RADIL: variants seen among roughly 807,000 people sequenced by gnomAD.
RADIL encodes ras-associating and dilute domain-containing protein.
A neutral mutation model predicts 97.6 loss-of-function variants in RADIL; 99 were observed. The observed-to-expected ratio is 1.01, with a 90% CI of 0.86 to 1.20. RADIL has a LOEUF of 1.20. RADIL is among the 50% of genes most tolerant of loss of function. The pLI is 0.00. For missense variants in RADIL, 1,765 were observed against 1,498.9 expected, an observed-to-expected ratio of 1.18 and a Z score of -2.93; for synonymous variants, 803 against 691.8, an observed-to-expected ratio of 1.16 and a Z score of -2.52.
chr7:4,816,692 CA>C (rs1782687311), intron 7 of RADIL, among the ~76,000 whole-genome samples: 1 of 151,888 alleles, frequency 6.6e-6, no homozygotes, highest in South Asian at 2.1e-4. Flanking sequence ...GCAGGGGGCT[CA>C]GGGGGATCTG....
intron 4 of RADIL, among the ~76,000 whole-genome samples, chr7:4,833,215 C>T (rs1783197276): frequency 6.6e-6 from 1 of 152,218 alleles, no homozygotes; most frequent in Non-Finnish European, 1.5e-5. Context: ...CTGGCTGTGA[C>T]ATGGGGTGTG....
intron 10 of RADIL, chr7:4,805,294 G>A (rs1019593659): frequency 7.6e-5 from 31 of 409,772 alleles, no homozygotes; most frequent in African/African-American, 5.4e-4. Context: ...CTCCGTGAGG[G>A]AACGAGGGGG....
rs1583294846 is a variant in RADIL at position 4,835,822 on chromosome 7, C to T, written c.783+536G>A. On this transcript the variant is annotated intron_variant, in intron 3 of 14. Transcript: ENST00000399583. The surrounding 1 kb of genome is among the most constrained non-coding windows in gnomAD (Gnocchi z 5.8). The stretch of plus-strand genomic sequence containing the variant: ...GTTGTCTGGCAGGGCAAGTGTCCGG[C>T]AAGGTGAGGCGAGGTGGCCCTGCGC... Among the ~76,000 whole-genome samples, 1 of 152,336 alleles carries T rather than the reference C, an allele frequency of 6.6e-6. No individual in the cohort carries two copies. The highest frequency in any genetic ancestry group is 1.9e-4 in the East Asian group (1 of 5,182).
rs1241180977 is a variant in RADIL, at chr7:4,798,033, T to TATA, written c.*1342_*1344dup. ...TAAAATATAAAAAATGTTTATAAAATATACGAATATATTACGTATACATGA... is the reference window on the plus strand; with the variant it reads ...TAAAATATAAAAAATGTTTATAAAATATAATACGAATATATTACGTATACATGA... On this transcript the variant is annotated 3_prime_UTR_variant, in exon 15 of 15. Transcript: ENST00000399583. 6.7e-6 allele frequency: 1 copy of TATA among 148,286 alleles called. No individual in the cohort carries two copies. The highest frequency in any genetic ancestry group is 6.7e-5 in the Admixed American group (1 of 14,826). The allele number at this position is 148,286 out of a possible 1,614,324, so 9.2% of individuals were successfully genotyped here.
intron 11 of RADIL, among the ~76,000 whole-genome samples, chr7:4,802,718 C>T (rs1222776456): frequency 1.3e-4 from 12 of 95,472 alleles, no homozygotes; most frequent in East Asian, 3.4e-4. Flanking sequence ...CCTCCCCAGG[C>T]ACCTCGGGGC....
chr7:4,827,818 G>A (rs1783039546), intron 5 of RADIL, among the ~76,000 whole-genome samples: 1 of 152,094 alleles, frequency 6.6e-6, no homozygotes, highest in Admixed American at 6.6e-5. Flanking sequence ...AAACTGATCT[G>A]GAGAACTAAG....
Position 4,816,423 on chromosome 7 carries a change from A to G in RADIL, c.1771T>C (p.Phe591Leu). The change falls in exon 8 of 15, where the codon TTC (phenylalanine) becomes CTC (leucine). Residue 591 changes from phenylalanine to leucine, a missense_variant. Coordinates refer to ENST00000399583, the MANE Select transcript of RADIL (RefSeq NM_018059.5). ...CAGCTCTCACGGCGCTCCGTCTGGA[A>G]TGGCGGGCACTCCAGGAGTGCCGGG... is the stretch of plus-strand genomic sequence containing the variant. Reference protein sequence around the residue: ...CLPALLECPPFQTERRESWSS... With the variant: ...CLPALLECPPLQTERRESWSS... 6.2e-7 allele frequency: 1 copy of G among 1,608,342 alleles called. No homozygotes were observed. Among genetic ancestry groups the G allele is most frequent in the Non-Finnish European group, 8.5e-7 (1 of 1,178,452 alleles).
At chr7:4,827,473 A>G (rs1050830983) in intron 5 of RADIL, among the ~76,000 whole-genome samples, 2 of 151,354 alleles carry the variant, frequency 1.3e-5, no homozygotes, top group Non-Finnish European at 2.9e-5. Context: ...CATCCTGGCT[A>G]ACACAGTGAA....
chr7:4,817,142 C>G lies in RADIL; in HGVS notation c.1728+97G>C. Reference sequence around the variant, plus strand: ...GCTTGTCACGGTCCCCTCCCTCAGCCCCCCAGAAGGCTCCTTAGGAGAGCC... The same window carrying G: ...GCTTGTCACGGTCCCCTCCCTCAGCGCCCCAGAAGGCTCCTTAGGAGAGCC... On this transcript the variant is annotated intron_variant, in intron 7 of 14. Transcript: ENST00000399583. This position sits in a 1 kb window ranked among gnomAD's most constrained non-coding sequence, Gnocchi z 8.3. 4 of 1,064,746 alleles carry G rather than the reference C, an allele frequency of 3.8e-6. No individual in the cohort carries two copies. The highest frequency in any genetic ancestry group is 5.5e-6 in the Non-Finnish European group (4 of 725,084). 66.0% of individuals were successfully genotyped at this position (1,064,746 alleles called of 1,614,324 possible).
rs1462110668 is a variant in RADIL, at chr7:4,800,361, A to G, written c.2843-51T>C. The G allele has an allele frequency of 4.3e-6, 6 of 1,410,094 alleles. No individual in the cohort carries two copies. In the South Asian group the frequency reaches 9.2e-5, roughly 22 times the overall value. 87.3% of individuals were successfully genotyped at this position (1,410,094 alleles called of 1,614,324 possible). A position where few individuals can be genotyped will look rare whatever the true frequency, so the allele number is the denominator to read the frequency against. On this transcript the variant is annotated intron_variant, in intron 12 of 14. Coordinates refer to ENST00000399583, the MANE Select transcript of RADIL (RefSeq NM_018059.5). ...TGGGAGTGAGGCGCCAGGAATCACGACGAGGAATGGGATGTCCTGGCCTGG... is the reference window on the plus strand; with the variant it reads ...TGGGAGTGAGGCGCCAGGAATCACGGCGAGGAATGGGATGTCCTGGCCTGG...
intron 9 of RADIL, chr7:4,805,920 G>C: frequency 1.0e-6 from 1 of 985,458 alleles, no homozygotes; most frequent in Non-Finnish European, 1.2e-6. Context: ...TCCAGGGAGA[G>C]GCCGGCCAGT....
At chr7:4,843,522 G>A (rs1424976309) in intron 2 of RADIL, among the ~76,000 whole-genome samples, 1 of 152,172 alleles carries the variant, frequency 6.6e-6, no homozygotes, top group African/African-American at 2.4e-5. Flanking sequence ...GTACAAAAAA[G>A]AACTTCTCAG....
intron 5 of RADIL, among the ~76,000 whole-genome samples, chr7:4,825,042 A>C (rs972101208): frequency 1.3e-5 from 2 of 152,108 alleles, no homozygotes; most frequent in Non-Finnish European, 2.9e-5. Flanking sequence ...GATCCAGCCC[A>C]TCCTACCCAG....
intron 2 of RADIL, chr7:4,858,836 T>A (rs935747812): frequency 3.9e-5 from 6 of 152,224 alleles, no homozygotes; most frequent in Non-Finnish European, 8.8e-5. Flanking sequence ...TATTATTCCT[T>A]TTTTCTTGTG....
At chr7:4,859,402 G>A (rs939618490) in intron 2 of RADIL, 3 of 155,964 alleles carry the variant, frequency 1.9e-5, no homozygotes, top group African/African-American at 7.2e-5. Context: ...TACAAACATA[G>A]CTGAAAGGTT....
chr7:4,833,568 A>G (rs528883011), intron 4 of RADIL, among the ~76,000 whole-genome samples: 27 of 152,346 alleles, frequency 1.8e-4, no homozygotes. Flanking sequence ...TGGACAGGGA[A>G]GCCTGAGCTG....
chr7:4,829,110 C>A (rs1350471367), intron 5 of RADIL, among the ~76,000 whole-genome samples: 1 of 152,082 alleles, frequency 6.6e-6, no homozygotes, highest in Non-Finnish European at 1.5e-5. Flanking sequence ...AACTCCCATG[C>A]AAACTTCTCC....
In RADIL at chr7:4,835,195, G is replaced by C. The variant is rs13232738; in HGVS notation, c.828C>G (p.Gly276=). The C allele has an allele frequency of 6.2e-7, 1 of 1,611,870 alleles. No homozygotes were observed. The highest frequency in any genetic ancestry group is 2.2e-5 in the East Asian group (1 of 44,844). Residue 276 remains glycine (G), a synonymous_variant, in exon 4 of 15, where the codon GGC becomes GGG. Coordinates refer to ENST00000399583, the MANE Select transcript of RADIL (RefSeq NM_018059.5). This position sits in a 1 kb window ranked among gnomAD's most constrained non-coding sequence, Gnocchi z 5.8. ...TGGGCTTGCTGGAGGGGGTCCGCTGGCCCACCGTGTGCCGGTCCCGGTTGA... is the reference window on the plus strand; with the variant it reads ...TGGGCTTGCTGGAGGGGGTCCGCTGCCCCACCGTGTGCCGGTCCCGGTTGA... ...YVLNRDRHTV[G]QRTPSSKPSI... is the part of the protein sequence containing the mutation.
chr7:4,812,370 T>G (rs1355071318), intron 9 of RADIL, among the ~76,000 whole-genome samples: 1 of 152,214 alleles, frequency 6.6e-6, no homozygotes, highest in East Asian at 1.9e-4. Flanking sequence ...GATGGCCTCC[T>G]TTTTCTGATA....
Sources: gnomAD v4.1 joint callset for allele counts (sites outside exome capture counted in the v4.1 genomes callset) on GRCh38, gnomAD v4.1.1 for gene constraint, Gnocchi (gnomAD v3.1) non-coding constraint, MANE v1.5 for transcripts, NCBI Gene and HGNC (gene_info 2026-07-23, HGNC 2026-07-21) for gene names.